Variants in RASSF8 observed in about 807,000 individuals in gnomAD.
RASSF8 encodes the protein Ras association domain family member 8, also known as ras association domain-containing protein 8.
Under a neutral mutation model 48.5 loss-of-function variants are expected in RASSF8, and 22 were observed. That is an observed-to-expected ratio of 0.45 (90% CI 0.32 to 0.65). RASSF8 has a LOEUF of 0.65. Ranked by LOEUF, RASSF8 falls within the 30% of genes least tolerant of loss-of-function variation. The pLI is 0.03. For synonymous variants in RASSF8, 127 were observed against 171.5 expected (o/e 0.74, Z 2.03); for missense variants, 418 against 489.2 (o/e 0.85, Z 1.37).
At chr12:26,067,952 G>A (rs957838798) in intron 5 of RASSF8, among the ~76,000 whole-genome samples, 3 of 151,920 alleles carry the variant, frequency 2.0e-5, no homozygotes, top group Admixed American at 6.6e-5. Context: ...TGTATTTCTT[G>A]TAGAGATGAG....
Position 26,014,530 on chromosome 12 carries a change from T to C in RASSF8, c.-109+19400T>C, listed in dbSNP as rs1160029778. On this transcript the variant is annotated intron_variant, in intron 2 of 5. Transcript: ENST00000689635. ...TTTGGACAGTTGCACTTAATACAGG[T>C]CATTTTCATTTTTAATAGCATGTAA... is the stretch of plus-strand genomic sequence containing the variant. 2.0e-5 allele frequency among the ~76,000 whole-genome samples: 3 copies of C among 152,206 alleles called. No individual in the cohort carries two copies. In the East Asian group the frequency reaches 5.8e-4, roughly 29 times the overall value.
Position 26,072,440 on chromosome 12 carries a change from T to A in RASSF8, c.*3622T>A. On this transcript the variant is annotated 3_prime_UTR_variant, in exon 6 of 6. Coordinates refer to ENST00000689635, the MANE Select transcript of RASSF8 (RefSeq NM_001394098.1). ...TCTTTTCAATGCATTTTATATATTTTTAGAAACCAAATAAATGCAGAAAAC... is the reference window on the plus strand; with the variant it reads ...TCTTTTCAATGCATTTTATATATTTATAGAAACCAAATAAATGCAGAAAAC... 1.0e-6 allele frequency: 1 copy of A among 973,610 alleles called. No homozygotes were observed. The highest frequency in any genetic ancestry group is 4.8e-5 in the South Asian group (1 of 21,010). The allele number at this position is 973,610 out of a possible 1,614,324, so 60.3% of individuals were successfully genotyped here.
At chr12:26,075,900 A>C (rs1944067656), downstream of RASSF8, among the ~76,000 whole-genome samples, 1 of 152,168 alleles carries the variant, frequency 6.6e-6, no homozygotes, top group Non-Finnish European at 1.5e-5. Context: ...CCACTGTGAC[A>C]GTCATTGGGC....
chr12:26,066,033 A>G (rs1943866095), intron 4 of RASSF8, among the ~76,000 whole-genome samples: 1 of 152,246 alleles, frequency 6.6e-6, no homozygotes, highest in South Asian at 2.1e-4. Flanking sequence ...TCTGTATCAG[A>G]TGGGACGAGA....
intron 2 of RASSF8, among the ~76,000 whole-genome samples, chr12:26,003,083 C>A (rs984585424): frequency 6.6e-6 from 1 of 152,154 alleles, no homozygotes; most frequent in African/African-American, 2.4e-5. Context: ...TTTCCCAGCA[C>A]CATATATTGA....
chr12:26,010,642 T>C (rs1451264561), intron 2 of RASSF8, among the ~76,000 whole-genome samples: 1 of 152,212 alleles, frequency 6.6e-6, no homozygotes, highest in Non-Finnish European at 1.5e-5. Context: ...TAATCTGATA[T>C]TTCCTTTCCC....
At chr12:26,001,903 G>T (rs917344407) in intron 2 of RASSF8, among the ~76,000 whole-genome samples, 2 of 152,126 alleles carry the variant, frequency 1.3e-5, no homozygotes, top group African/African-American at 4.8e-5. Flanking sequence ...GTAAATAATT[G>T]TAAGTGCTGT....
In RASSF8 at chr12:26,072,163, C is replaced by T. The variant is rs1944013166; in HGVS notation, c.*3345C>T. On this transcript the variant is annotated 3_prime_UTR_variant, in exon 6 of 6. Transcript: ENST00000689635. ...ATATAACGATGCTGTGTTCACATCCCTCTCCTACCTAAAGTTGTCTTTATT... is the reference window on the plus strand; with the variant it reads ...ATATAACGATGCTGTGTTCACATCCTTCTCCTACCTAAAGTTGTCTTTATT... 1 of 980,010 alleles carries T rather than the reference C, an allele frequency of 1.0e-6. No individual in the cohort carries two copies. Among genetic ancestry groups the T allele is most frequent in the Non-Finnish European group, 1.2e-6 (1 of 824,992 alleles). The allele number at this position is 980,010 out of a possible 1,614,324, so 60.7% of individuals were successfully genotyped here.
chr12:26,045,209 T>C (rs1591795872), intron 2 of RASSF8, among the ~76,000 whole-genome samples: 1 of 152,158 alleles, frequency 6.6e-6, no homozygotes, highest in South Asian at 2.1e-4. Flanking sequence ...CAAAGACTCA[T>C]AGGGATCATG....
intron 2 of RASSF8, among the ~76,000 whole-genome samples, chr12:26,024,066 T>C (rs1227486101): frequency 2.0e-5 from 3 of 152,210 alleles, no homozygotes; most frequent in African/African-American, 7.2e-5. Context: ...TTGGGGTTTG[T>C]AAGGTACATA....
chr12:25,958,449 C>T (rs1941131064), upstream of RASSF8: 1 of 151,622 alleles, frequency 6.6e-6, no homozygotes. Flanking sequence ...AAAGCTCCCA[C>T]AATGCAGCGC....
chr12:25,959,289 C>G (rs1477352654), intron 1 of RASSF8, 141 bp downstream of exon 1: 4 of 152,404 alleles, frequency 2.6e-5, no homozygotes, highest in East Asian at 3.9e-4. Flanking sequence ...CGCCCCCACC[C>G]TGCCCCGCCG....
At position 26,014,414 on chromosome 12, in the gene RASSF8, A is replaced by G. The variant is rs74408387; in HGVS notation, c.-109+19284A>G. 3.1e-3 allele frequency among the ~76,000 whole-genome samples: 468 copies of G among 152,242 alleles called. 17 individuals are homozygous for G. The East Asian group carries it at 0.077, about 25-fold the overall frequency. On this transcript the variant is annotated intron_variant, in intron 2 of 5. Transcript: ENST00000689635. ...ATGTGTCTGTGTTAACTTTCTCCCA[A>G]TATGTTTTGGGAAATAATAAATACG...
chr12:26,079,328 TA>T (rs1332678166), exon 6 of RASSF8: 2 of 282,882 alleles, frequency 7.1e-6, no homozygotes, highest in African/African-American at 4.4e-5. Context: ...CTCACGCCTG[TA>T]ATCTCAGCAC....
intron 2 of RASSF8, among the ~76,000 whole-genome samples, chr12:26,042,758 C>T (rs181160118): frequency 1.3e-5 from 2 of 152,144 alleles, no homozygotes; most frequent in Admixed American, 1.3e-4. Flanking sequence ...TATGAAACCA[C>T]AAATTGTAGG....
intron 3 of RASSF8, among the ~76,000 whole-genome samples, chr12:26,061,019 G>A (rs1367695740): frequency 1.3e-5 from 2 of 152,168 alleles, no homozygotes; most frequent in East Asian, 3.8e-4. Flanking sequence ...GAGGGTTGGT[G>A]ATGAAGATGT....
chr12:26,060,633 T>C (rs1264579266), intron 3 of RASSF8, among the ~76,000 whole-genome samples: 1 of 152,202 alleles, frequency 6.6e-6, no homozygotes, highest in African/African-American at 2.4e-5. Context: ...AGATCAACGC[T>C]TACTGTAAGA....
chr12:26,026,263 G>T (rs980687150), intron 2 of RASSF8, among the ~76,000 whole-genome samples: 1 of 152,022 alleles, frequency 6.6e-6, no homozygotes, highest in African/African-American at 2.4e-5. Context: ...GAACTTCATC[G>T]TAAAAAAGAC....
intron 1 of RASSF8, among the ~76,000 whole-genome samples, chr12:25,989,570 A>C (rs955600333): frequency 6.6e-6 from 1 of 152,196 alleles, no homozygotes; most frequent in Non-Finnish European, 1.5e-5. Flanking sequence ...TTGTCTACTA[A>C]AGTTGATGAA....
Sources: gnomAD v4.1 joint callset for allele counts (sites outside exome capture counted in the v4.1 genomes callset) on GRCh38, gnomAD v4.1.1 for gene constraint, MANE v1.5 for transcripts, NCBI Gene and HGNC (gene_info 2026-07-23, HGNC 2026-07-21) for gene names.